Variants in GRID2 observed in about 807,000 individuals in gnomAD.
GRID2 encodes the protein glutamate receptor ionotropic, delta-2.
A neutral mutation model predicts 114.8 loss-of-function variants in GRID2; 33 were observed. That is an observed-to-expected ratio of 0.29 (90% CI 0.22 to 0.38). The LOEUF (loss-of-function observed/expected upper bound fraction) is 0.38. GRID2 is among the 10% of genes least tolerant of loss of function. The pLI, the probability that GRID2 is intolerant of heterozygous loss-of-function variation, is 1.00. For synonymous variants in GRID2, 505 were observed against 449.9 expected, an observed-to-expected ratio of 1.12 and a Z score of -1.55; for missense variants, 1,184 against 1,257.7, an observed-to-expected ratio of 0.94 and a Z score of 0.89.
chr4:92,822,105 A>T (rs926784477), intron 2 of GRID2: 1 of 323,122 alleles, frequency 3.1e-6, no homozygotes, highest in African/African-American at 2.2e-5. Flanking sequence ...GCAGATTCCG[A>T]TAACTTCTTG....
intron 1 of GRID2, among the ~76,000 whole-genome samples, chr4:92,485,334 ATATATATATATATAGTGT>A (rs1244555452): frequency 5.5e-4 from 56 of 102,566 alleles, no homozygotes; most frequent in Non-Finnish European, 9.3e-4. Context: ...ATATATATAT[ATATATATATATATAGTGT>A]GTGTGTGTGT....
At chr4:93,222,289 A>T (rs1428099962) in intron 6 of GRID2, among the ~76,000 whole-genome samples, 1 of 152,054 alleles carries the variant, frequency 6.6e-6, no homozygotes, top group Non-Finnish European at 1.5e-5. Context: ...GTTCCGGTAG[A>T]TGAAAAGAGG....
intron 3 of GRID2, among the ~76,000 whole-genome samples, chr4:93,108,200 C>T (rs1732431735): frequency 6.6e-6 from 1 of 152,188 alleles, no homozygotes; most frequent in Non-Finnish European, 1.5e-5. Context: ...TCCTCCTCCT[C>T]ACCCTATTAT....
At chr4:93,118,553 A>G (rs1250270255) in intron 4 of GRID2, among the ~76,000 whole-genome samples, 1 of 152,190 alleles carries the variant, frequency 6.6e-6, no homozygotes, top group Non-Finnish European at 1.5e-5. Flanking sequence ...ATTCTTCTCT[A>G]ACTTCCTCCA....
rs1004508826 is a variant in GRID2, at chr4:93,102,165, C to T, written c.530-8583C>T. 2.6e-5 allele frequency among the ~76,000 whole-genome samples: 4 copies of T among 152,152 alleles called. 1 individual carries two copies. Among genetic ancestry groups the T allele is most frequent in the Non-Finnish European group, 5.9e-5 (4 of 68,014 alleles). On this transcript the variant is annotated intron_variant, in intron 3 of 15. Transcript: ENST00000282020. ...GAAAGTCTAGGGAACAGCTGCCTTG[C>T]CTCTGTTTCACTTTAGTTACTTTCA...
At chr4:92,972,744 C>T (rs1753606494) in intron 2 of GRID2, among the ~76,000 whole-genome samples, 1 of 151,886 alleles carries the variant, frequency 6.6e-6, no homozygotes, top group Non-Finnish European at 1.5e-5. Flanking sequence ...TTTCCTGATC[C>T]TCTCCCTCCT....
chr4:93,257,131 C>T (rs1749686824), intron 8 of GRID2, among the ~76,000 whole-genome samples: 1 of 151,714 alleles, frequency 6.6e-6, no homozygotes, highest in Non-Finnish European at 1.5e-5. Flanking sequence ...TCCGAATGAT[C>T]TGAAACACAG....
At chr4:92,572,218 A>G (rs1290864552) in intron 1 of GRID2, among the ~76,000 whole-genome samples, 10 of 152,214 alleles carry the variant, frequency 6.6e-5, no homozygotes, top group Middle Eastern at 3.2e-3. Flanking sequence ...CCGATCCCAC[A>G]GAAATACAAA....
At chr4:92,351,626 T>A (rs1362840729) in intron 1 of GRID2, among the ~76,000 whole-genome samples, 1 of 151,822 alleles carries the variant, frequency 6.6e-6, no homozygotes, top group African/African-American at 2.4e-5. Context: ...GCTGTAAGTT[T>A]GTAGCCATAA....
At chr4:92,331,262 G>A (rs1726873451) in intron 1 of GRID2, among the ~76,000 whole-genome samples, 2 of 152,104 alleles carry the variant, frequency 1.3e-5, no homozygotes, top group Admixed American at 1.3e-4. Flanking sequence ...AAGTAGAAAG[G>A]CAAGAGAAAC....
At chr4:92,825,406 G>T (rs976909574) in intron 2 of GRID2, among the ~76,000 whole-genome samples, 2 of 152,098 alleles carry the variant, frequency 1.3e-5, no homozygotes, top group Non-Finnish European at 2.9e-5. Context: ...TTGTGCTATG[G>T]CACCGAGGAG....
intron 1 of GRID2, among the ~76,000 whole-genome samples, chr4:92,480,788 G>T (rs1281606731): frequency 2.0e-5 from 3 of 152,028 alleles, no homozygotes; most frequent in African/African-American, 7.2e-5. Flanking sequence ...TATCTTTTGG[G>T]GGTGCCATCC....
chr4:92,381,507 T>G (rs1197708305), intron 1 of GRID2, among the ~76,000 whole-genome samples: 2 of 64,986 alleles, frequency 3.1e-5, no homozygotes, highest in Non-Finnish European at 6.7e-5. Context: ...AAAAGAAGTG[T>G]TTTTTTTTTT....
At chr4:93,024,590 A>T (rs940320149) in intron 2 of GRID2, among the ~76,000 whole-genome samples, 7 of 151,738 alleles carry the variant, frequency 4.6e-5, no homozygotes, top group Non-Finnish European at 1.0e-4. Context: ...TGTATTTTAC[A>T]TTATTTTATA....
intron 4 of GRID2, among the ~76,000 whole-genome samples, chr4:93,157,729 C>T (rs1170486717): frequency 6.6e-6 from 1 of 151,674 alleles, no homozygotes; most frequent in Non-Finnish European, 1.5e-5. Flanking sequence ...GATGCAAATA[C>T]TCTTCTGTAC....
chr4:93,762,087 C>G (rs998205066), intron 14 of GRID2, among the ~76,000 whole-genome samples: 4 of 152,068 alleles, frequency 2.6e-5, no homozygotes, highest in African/African-American at 9.7e-5. Context: ...TTCTGAAAAT[C>G]ATCTGCATGC....
intron 2 of GRID2, among the ~76,000 whole-genome samples, chr4:92,740,223 C>T (rs1449455149): frequency 6.6e-6 from 1 of 152,150 alleles, no homozygotes; most frequent in East Asian, 1.9e-4. Context: ...CACTGGTCAA[C>T]TGTGTGTAAC....
intron 2 of GRID2, among the ~76,000 whole-genome samples, chr4:92,663,152 G>A (rs1732600185): frequency 6.6e-6 from 1 of 150,994 alleles, no homozygotes; most frequent in Non-Finnish European, 1.5e-5. Context: ...GAAGTGACTT[G>A]ATACTCTAAA....
At chr4:93,224,521 A>G in intron 6 of GRID2, 93 bp from the exon 7 acceptor site, 1 of 770,406 alleles carries the variant, frequency 1.3e-6, no homozygotes. Flanking sequence ...CATGTATGAC[A>G]TGAACAGAAG....
Sources: allele counts gnomAD v4.1 joint callset (sites outside exome capture counted in the v4.1 genomes callset), GRCh38; gene constraint gnomAD v4.1.1; transcripts MANE v1.5; gene names NCBI Gene and HGNC (gene_info 2026-07-23, HGNC 2026-07-21).